CACNG6: variants seen among roughly 807,000 people sequenced by gnomAD.
CACNG6 encodes voltage-dependent calcium channel gamma-6 subunit.
In CACNG6, 21 loss-of-function variants were observed where a neutral mutation model predicts 23.9. That is an observed-to-expected ratio of 0.88 (90% CI 0.62 to 1.26). The LOEUF (loss-of-function observed/expected upper bound fraction) is 1.26. Ranked by LOEUF, CACNG6 falls within the 50% of genes most tolerant of loss-of-function variation. The pLI, the probability that CACNG6 is intolerant of heterozygous loss-of-function variation, is 0.00. For synonymous variants in CACNG6, 182 were observed against 168.9 expected (o/e 1.08, Z -0.60); for missense variants, 340 against 352.9 (o/e 0.96, Z 0.29).
chr19:54,009,930 A>T (rs540119674), intron 3 of CACNG6, among the ~76,000 whole-genome samples: 5 of 151,968 alleles, frequency 3.3e-5, no homozygotes, highest in African/African-American at 1.2e-4. Context: ...TCTCAAAAAA[A>T]AAATAAAAAA....
chr19:54,012,165 C>G lies in CACNG6; in HGVS notation c.759C>G (p.Pro253=). ...LPSWPWGSLC[P]KRGHRAT ...CCTGGCCCTGGGGGTCCCTCTGTCCCAAGCGGGGGCACCGGGCCACCTAGA... is the reference window on the plus strand; with the variant it reads ...CCTGGCCCTGGGGGTCCCTCTGTCCGAAGCGGGGGCACCGGGCCACCTAGA... Residue 253 remains proline, a synonymous_variant, in exon 4 of 4, where the codon CCC becomes CCG. Transcript: ENST00000252729. 5.5e-6 allele frequency: 8 copies of G among 1,450,060 alleles called. No individual in the cohort carries two copies. Among genetic ancestry groups the G allele is most frequent in the Non-Finnish European group, 7.3e-6 (8 of 1,093,384 alleles). 89.8% of individuals were successfully genotyped at this position (1,450,060 alleles called of 1,614,324 possible).
intron 3 of CACNG6, among the ~76,000 whole-genome samples, chr19:54,006,853 T>C (rs868446931): frequency 2.1e-4 from 31 of 148,606 alleles, no homozygotes; most frequent in Middle Eastern, 3.4e-3. Context: ...TTTATTTTGT[T>C]ATTTTATTTT....
intron 3 of CACNG6, among the ~76,000 whole-genome samples, chr19:54,008,142 C>G (rs1264407792): frequency 6.6e-6 from 1 of 152,018 alleles, no homozygotes; most frequent in Non-Finnish European, 1.5e-5. Context: ...CACCTGAGGT[C>G]AGGAGTTTGA....
intron 3 of CACNG6, among the ~76,000 whole-genome samples, chr19:54,011,447 A>AAC (rs1568820517): frequency 8.7e-5 from 10 of 115,084 alleles, no homozygotes; most frequent in East Asian, 5.2e-4. Context: ...AAAAAAAAAA[A>AAC]AAAAAACAAA....
At chr19:54,003,751 A>G (rs1489113596) in intron 3 of CACNG6, among the ~76,000 whole-genome samples, 1 of 152,064 alleles carries the variant, frequency 6.6e-6, no homozygotes, top group East Asian at 1.9e-4. Flanking sequence ...CCACGGCTAT[A>G]TTTCCCCGAG....
chr19:54,009,782 T>TA (rs113194002), intron 3 of CACNG6, among the ~76,000 whole-genome samples: 35,375 of 118,068 alleles, frequency 0.3, 4,653 homozygotes, highest in East Asian at 0.53. Context: ...TTTGCTTTTT[T>TA]TAAAAAAAAA....
At chr19:54,010,283 G>A (rs1025402584) in intron 3 of CACNG6, among the ~76,000 whole-genome samples, 6 of 151,916 alleles carry the variant, frequency 3.9e-5, no homozygotes. Context: ...CAAAGTGCTG[G>A]GATTACAGGC....
rs1327096473 is a variant in CACNG6, at chr19:54,012,299, G to A, written c.*110G>A. ...TAGAGAAACTGTGTTCTCCCTGCTC[G>A]GGGGCCCATGTTTTTTTACACGCCT... On this transcript the variant is annotated 3_prime_UTR_variant, in exon 4 of 4. Coordinates refer to ENST00000252729, the MANE Select transcript of CACNG6 (RefSeq NM_145814.2). 5 of 504,210 alleles carry A rather than the reference G, an allele frequency of 9.9e-6. No individual in the cohort carries two copies. The highest frequency in any genetic ancestry group is 3.1e-5 in the East Asian group (1 of 32,208). 31.2% of individuals were successfully genotyped at this position (504,210 alleles called of 1,614,324 possible).
rs1280458248 is a variant in CACNG6, at chr19:53,992,270, C to A, written c.-608C>A. 2 of 152,222 alleles carry A rather than the reference C, an allele frequency of 1.3e-5. No individual in the cohort carries two copies. The highest frequency in any genetic ancestry group is 2.9e-5 in the Non-Finnish European group (2 of 68,044). The allele number at this position is 152,222 out of a possible 1,614,324, so 9.4% of individuals were successfully genotyped here. A position where few individuals can be genotyped will look rare whatever the true frequency, so the allele number is the denominator to read the frequency against. Reference sequence around the variant, plus strand: ...TCCCGGGACCCCAGGTCTTCCTTTTCCGAATCCCAGAGGGTCCCCAAGTCC... The same window carrying A: ...TCCCGGGACCCCAGGTCTTCCTTTTACGAATCCCAGAGGGTCCCCAAGTCC... On this transcript the variant is annotated 5_prime_UTR_variant, in exon 1 of 4. Coordinates refer to ENST00000252729, the MANE Select transcript of CACNG6 (RefSeq NM_145814.2). This position sits in a 1 kb window ranked among gnomAD's most constrained non-coding sequence, Gnocchi z 4.1.
chr19:53,993,111 G>A lies in CACNG6; in HGVS notation c.234G>A (p.Ala78=). The A allele has an allele frequency of 6.5e-7, 1 of 1,547,040 alleles. No homozygotes were observed. Among genetic ancestry groups the A allele is most frequent in the South Asian group, 1.2e-5 (1 of 83,960 alleles). The change falls in exon 1 of 4, where the codon GCG becomes GCA. Residue 78 remains alanine (A), a synonymous_variant. Transcript: ENST00000252729. The stretch of plus-strand genomic sequence containing the variant: ...CCAACGGCAGCGCCGTGTGCGAAGC[G>A]GCCCACCTGGGGCTGTGGAAGGCGT... The part of the protein sequence containing the change: ...YKANGSAVCE[A]AHLGLWKACT...
rs1438050129 is a variant in CACNG6, at chr19:53,999,874, CAG to C, written c.544+107_544+108del. On this transcript the variant is annotated intron_variant, in intron 3 of 3. Coordinates refer to ENST00000252729, the MANE Select transcript of CACNG6 (RefSeq NM_145814.2). ...GGGTCTCTATGCACTGTTGCACGCT[CAG>C]AGATGGAATCTCTATGCACTGTTGC... 1.9e-5 allele frequency: 26 copies of C among 1,394,038 alleles called. No individual in the cohort carries two copies. In the East Asian group the frequency reaches 5.1e-4, roughly 27 times the overall value. 86.4% of individuals were successfully genotyped at this position (1,394,038 alleles called of 1,614,324 possible). A position where few individuals can be genotyped will look rare whatever the true frequency, so the allele number is the denominator to read the frequency against.
In CACNG6 at chr19:53,993,148, C is replaced by G; in HGVS notation, c.271C>G (p.Leu91Val). ...GCTGTGGAAGGCGTGCACCAAGCGG[C>G]TGTGGCAGGCGGACGTGCCCGTGGA... ...LGLWKACTKRLWQADVPVDRD... is the reference protein window; with the variant it reads ...LGLWKACTKRVWQADVPVDRD... Residue 91 changes from leucine (L) to valine (V), a missense_variant, in exon 1 of 4, where the codon CTG becomes GTG. Transcript: ENST00000252729. The G allele has an allele frequency of 1.9e-6, 3 of 1,546,842 alleles. No individual in the cohort carries two copies. Among genetic ancestry groups the G allele is most frequent in the Non-Finnish European group, 2.6e-6 (3 of 1,146,126 alleles).
intron 3 of CACNG6, among the ~76,000 whole-genome samples, chr19:54,005,979 A>G (rs1374628993): frequency 6.6e-6 from 1 of 150,526 alleles, no homozygotes; most frequent in Non-Finnish European, 1.5e-5. Flanking sequence ...AATCCCAGCA[A>G]CTCGGGAGGC....
At chr19:53,998,171 G>C (rs1034250877) in intron 1 of CACNG6, 68 bp from the exon 2 acceptor site, 1 of 1,386,306 alleles carries the variant, frequency 7.2e-7, no homozygotes, top group Non-Finnish European at 1.0e-6. Flanking sequence ...GCTGTTAACT[G>C]TCCAGCCCTG....
At chr19:54,005,269 ACGT>A (rs2069630811) in intron 3 of CACNG6, among the ~76,000 whole-genome samples, 1 of 147,634 alleles carries the variant, frequency 6.8e-6, no homozygotes, top group Admixed American at 6.8e-5. Flanking sequence ...AAGAAAGAGC[ACGT>A]GAGAGAAACT....
At chr19:53,994,516 CCTT>C (rs2069501829) in intron 1 of CACNG6, among the ~76,000 whole-genome samples, 1 of 152,238 alleles carries the variant, frequency 6.6e-6, no homozygotes, top group African/African-American at 2.4e-5. Flanking sequence ...GATGAAATCT[CCTT>C]CTACCTCCAC....
chr19:54,004,575 C>T (rs918338371), intron 3 of CACNG6, among the ~76,000 whole-genome samples: 3 of 152,068 alleles, frequency 2.0e-5, no homozygotes, highest in African/African-American at 7.2e-5. Context: ...GAATAAAAGC[C>T]ACTTAAATTC....
chr19:53,999,911 G>A, intron 3 of CACNG6, 140 bp downstream of exon 3: 1 of 1,069,418 alleles, frequency 9.4e-7, no homozygotes, highest in Admixed American at 2.4e-5. Context: ...CATGCTGGGA[G>A]TAGGGTCTCC....
chr19:54,006,724 G>A (rs2069651193), intron 3 of CACNG6, among the ~76,000 whole-genome samples: 1 of 151,648 alleles, frequency 6.6e-6, no homozygotes, highest in South Asian at 2.1e-4. Context: ...TAGTAGAGAG[G>A]GGGTTTCTCT....
Sources: gnomAD v4.1 joint callset for allele counts (sites outside exome capture counted in the v4.1 genomes callset) on GRCh38, gnomAD v4.1.1 for gene constraint, Gnocchi (gnomAD v3.1) non-coding constraint, MANE v1.5 for transcripts, NCBI Gene and HGNC (gene_info 2026-07-23, HGNC 2026-07-21) for gene names.